LINGO1: variants seen among roughly 807,000 people sequenced by gnomAD.
LINGO1 encodes leucine-rich repeat and immunoglobulin-like domain-containing nogo receptor-interacting protein 1.
In LINGO1, 11 loss-of-function variants were observed where a neutral mutation model predicts 37.3. The ratio of observed to expected loss-of-function variants is 0.29; its 90% CI spans 0.19 to 0.49. The LOEUF (loss-of-function observed/expected upper bound fraction) is 0.49. LINGO1 is among the 20% of genes least tolerant of loss of function. The pLI, the probability that LINGO1 is intolerant of heterozygous loss-of-function variation, is 0.99. For missense variants in LINGO1, 585 were observed against 878.2 expected (o/e 0.67, Z 4.22); for synonymous variants, 387 against 403.0 (o/e 0.96, Z 0.48).
intron 1 of LINGO1, among the ~76,000 whole-genome samples, chr15:77,813,300 G>C (rs1011559183): frequency 6.6e-6 from 1 of 152,188 alleles, no homozygotes; most frequent in Non-Finnish European, 1.5e-5. Flanking sequence ...GGACAGGGAT[G>C]GGGGAGAACT....
intron 1 of LINGO1, among the ~76,000 whole-genome samples, chr15:77,621,578 A>G (rs1877296): frequency 0.16 from 23,745 of 152,020 alleles, 3,617 homozygotes; most frequent in African/African-American, 0.39. Flanking sequence ...AGGCCAGGGG[A>G]GGGGCTGTCC....
chr15:77,713,209 A>ATT (rs1324637949), intron 2 of LINGO1, among the ~76,000 whole-genome samples: 10 of 56,358 alleles, frequency 1.8e-4, no homozygotes, highest in African/African-American at 6.0e-4. Flanking sequence ...TGCCCAGCTA[A>ATT]TTGTGTGTGT....
intron 1 of LINGO1, among the ~76,000 whole-genome samples, chr15:77,803,682 G>C (rs1337719540): frequency 1.3e-5 from 2 of 151,922 alleles, no homozygotes; most frequent in African/African-American, 4.8e-5. Context: ...AGATCTGGCC[G>C]TTTGAAAGTG....
chr15:77,678,863 T>A (rs2075369145), intron 2 of LINGO1, among the ~76,000 whole-genome samples: 1 of 152,174 alleles, frequency 6.6e-6, no homozygotes, highest in Admixed American at 6.6e-5. Context: ...TAATGATATG[T>A]AGTGGTATTG....
upstream of LINGO1, among the ~76,000 whole-genome samples, chr15:77,638,820 C>T (rs1320040108): frequency 6.6e-6 from 1 of 152,156 alleles, no homozygotes; most frequent in Non-Finnish European, 1.5e-5. Flanking sequence ...TCCCAGTGGT[C>T]CCTGCCTTCT....
chr15:77,690,134 G>A (rs2075578309), intron 2 of LINGO1, among the ~76,000 whole-genome samples: 1 of 152,148 alleles, frequency 6.6e-6, no homozygotes, highest in African/African-American at 2.4e-5. Flanking sequence ...CCTGTCAGCA[G>A]GATCCTAAGA....
At chr15:77,813,782 A>G (rs11072677) in intron 1 of LINGO1, among the ~76,000 whole-genome samples, 28,534 of 152,166 alleles carry the variant, frequency 0.19, 3,241 homozygotes, top group African/African-American at 0.32. Flanking sequence ...AGGCAGGGAG[A>G]TCATTTTGTC....
chr15:77,632,494 C>T lies in LINGO1; in HGVS notation c.-179G>A. On this transcript the variant is annotated 5_prime_UTR_variant, in exon 1 of 2. Coordinates refer to ENST00000355300, the MANE Select transcript of LINGO1 (RefSeq NM_032808.7). The surrounding 1 kb of genome is among the most constrained non-coding windows in gnomAD (Gnocchi z 6.0). ...TGTCCGTCTGTCCGCCCCGCGCGGG[C>T]GGGAGCCGAGCCGGAGCCGGGGCCG... 1.9e-6 allele frequency: 1 copy of T among 530,346 alleles called. No individual in the cohort carries two copies. Among genetic ancestry groups the T allele is most frequent in the Non-Finnish European group, 2.8e-6 (1 of 361,730 alleles). The allele number at this position is 530,346 out of a possible 1,614,324, so 32.9% of individuals were successfully genotyped here. A position where few individuals can be genotyped will look rare whatever the true frequency, so the allele number is the denominator to read the frequency against.
intron 1 of LINGO1, among the ~76,000 whole-genome samples, chr15:77,780,311 G>C (rs1055736264): frequency 6.6e-6 from 1 of 152,172 alleles, no homozygotes; most frequent in Non-Finnish European, 1.5e-5. Context: ...CATGGCAGGC[G>C]TGTGGGTCTG....
intron 3 of LINGO1, among the ~76,000 whole-genome samples, chr15:77,656,547 G>A (rs1273245137): frequency 6.6e-6 from 1 of 152,144 alleles, no homozygotes; most frequent in Non-Finnish European, 1.5e-5. Context: ...CGGCTCAGAG[G>A]GGCCTTGGGG....
intron 1 of LINGO1, among the ~76,000 whole-genome samples, chr15:77,802,090 G>T (rs538648766): frequency 6.6e-6 from 1 of 152,282 alleles, no homozygotes; most frequent in South Asian, 2.1e-4. Flanking sequence ...GGAGAAGCTG[G>T]GGTGTGTTTC....
chr15:77,639,773 A>G (rs996682282), intron 3 of LINGO1, among the ~76,000 whole-genome samples: 1 of 152,218 alleles, frequency 6.6e-6, no homozygotes, highest in Non-Finnish European at 1.5e-5. Context: ...TATAAACTGA[A>G]TATGGATACC....
chr15:77,747,674 C>T (rs1029037735), intron 1 of LINGO1, among the ~76,000 whole-genome samples: 2 of 152,196 alleles, frequency 1.3e-5, no homozygotes, highest in African/African-American at 4.8e-5. Context: ...GGAAGAAGGG[C>T]CAGAGAAGGA....
intron 3 of LINGO1, among the ~76,000 whole-genome samples, chr15:77,645,679 C>T (rs1292790252): frequency 1.3e-5 from 2 of 152,218 alleles, no homozygotes; most frequent in Non-Finnish European, 2.9e-5. Flanking sequence ...CCGCACTCTG[C>T]ATCCCATACA....
intron 3 of LINGO1, among the ~76,000 whole-genome samples, chr15:77,668,655 C>T (rs2075185771): frequency 6.6e-6 from 1 of 152,072 alleles, no homozygotes; most frequent in East Asian, 1.9e-4. Context: ...TGACAGTGTG[C>T]AGAGACTAGA....
chr15:77,748,616 C>T (rs150096975), intron 1 of LINGO1, among the ~76,000 whole-genome samples: 10 of 152,344 alleles, frequency 6.6e-5, no homozygotes, highest in South Asian at 2.1e-4. Flanking sequence ...CGGGCCCCTG[C>T]CTTTTCCTCC....
intron 1 of LINGO1, among the ~76,000 whole-genome samples, chr15:77,744,955 T>TAAA (rs34589855): frequency 7.0e-6 from 1 of 141,932 alleles, no homozygotes; most frequent in African/African-American, 2.6e-5. Flanking sequence ...ATCTCTACTT[T>TAAA]AAAAAAAAAA....
chr15:77,629,051 C>T (rs2074177060), intron 1 of LINGO1, among the ~76,000 whole-genome samples: 1 of 152,190 alleles, frequency 6.6e-6, no homozygotes, highest in African/African-American at 2.4e-5. Flanking sequence ...GAGGTGGATA[C>T]TATTGTTACT....
intron 2 of LINGO1, among the ~76,000 whole-genome samples, chr15:77,718,591 G>A (rs564090237): frequency 1.3e-5 from 2 of 150,948 alleles, no homozygotes; most frequent in Non-Finnish European, 3.0e-5. Flanking sequence ...CCCCAATATC[G>A]GACCCCAGAG....
Sources: gnomAD v4.1 joint callset for allele counts (sites outside exome capture counted in the v4.1 genomes callset) on GRCh38, gnomAD v4.1.1 for gene constraint, Gnocchi (gnomAD v3.1) non-coding constraint, MANE v1.5 for transcripts, NCBI Gene and HGNC (gene_info 2026-07-23, HGNC 2026-07-21) for gene names.